The following SYNPR variants were observed in gnomAD, a reference collection of about 807,000 sequenced individuals.
SYNPR encodes synaptoporin.
Under a neutral mutation model 32.9 loss-of-function variants are expected in SYNPR, and 23 were observed. The ratio of observed to expected loss-of-function variants is 0.70; its 90% CI spans 0.50 to 0.99. The LOEUF (loss-of-function observed/expected upper bound fraction) is 0.99. Among genes scored for constraint, SYNPR ranks in the 50% least tolerant of loss-of-function variants. SYNPR has a pLI of 0.00. For missense variants in SYNPR, 318 were observed against 349.3 expected (o/e 0.91, Z 0.71); for synonymous variants, 146 against 135.9 (o/e 1.07, Z -0.52).
intron 2 of SYNPR, among the ~76,000 whole-genome samples, chr3:63,329,522 C>T (rs2087203008): frequency 6.6e-6 from 1 of 152,048 alleles, no homozygotes; most frequent in Admixed American, 6.6e-5. Flanking sequence ...AGTTAATTTC[C>T]CTGAATTAGA....
intron 2 of SYNPR, among the ~76,000 whole-genome samples, chr3:63,390,390 G>C (rs981486523): frequency 3.3e-5 from 5 of 152,172 alleles, no homozygotes; most frequent in Admixed American, 1.3e-4. Flanking sequence ...TTTGATGTGA[G>C]CCACTGAAAG....
chr3:63,420,921 C>T (rs1216272627), intron 2 of SYNPR, among the ~76,000 whole-genome samples: 2 of 152,140 alleles, frequency 1.3e-5, no homozygotes, highest in African/African-American at 4.8e-5. Context: ...CTTGCTGCCT[C>T]CCAGGCTGGA....
At chr3:63,304,985 C>T (rs2086896563) in intron 2 of SYNPR, among the ~76,000 whole-genome samples, 1 of 151,890 alleles carries the variant, frequency 6.6e-6, no homozygotes, top group African/African-American at 2.4e-5. Context: ...GCCTCAGTTT[C>T]CAGAGCTATA....
chr3:63,528,696 A>G (rs188670545), intron 3 of SYNPR, among the ~76,000 whole-genome samples: 1 of 152,114 alleles, frequency 6.6e-6, no homozygotes, highest in Admixed American at 6.5e-5. Context: ...CTTCATTCTC[A>G]CAACAAGAAA....
intron 4 of SYNPR, among the ~76,000 whole-genome samples, chr3:63,583,435 G>A (rs754052312): frequency 2.0e-4 from 30 of 152,028 alleles, no homozygotes; most frequent in Non-Finnish European, 3.8e-4. Flanking sequence ...GAAAATATAA[G>A]TTTCTTCTGG....
intron 4 of SYNPR, among the ~76,000 whole-genome samples, chr3:63,595,862 TATATATATATAA>T (rs1699948218): frequency 1.2e-5 from 1 of 80,940 alleles, no homozygotes; most frequent in Non-Finnish European, 2.4e-5. Flanking sequence ...TATATATAGT[TATATATATATAA>T]TTTTATATAT....
chr3:63,554,272 T>G (rs1287119019), intron 3 of SYNPR, among the ~76,000 whole-genome samples: 1 of 152,248 alleles, frequency 6.6e-6, no homozygotes, highest in African/African-American at 2.4e-5. Context: ...TTTTGGGGAC[T>G]TAGCCAAAAA....
At chr3:63,383,564 A>C (rs1284906093) in intron 2 of SYNPR, among the ~76,000 whole-genome samples, 1 of 152,150 alleles carries the variant, frequency 6.6e-6, no homozygotes, top group Admixed American at 6.5e-5. Context: ...TAAAATACAA[A>C]AAATTAGCCA....
At chr3:63,497,208 G>A (rs1701389455) in intron 3 of SYNPR, among the ~76,000 whole-genome samples, 1 of 152,122 alleles carries the variant, frequency 6.6e-6, no homozygotes, top group South Asian at 2.1e-4. Flanking sequence ...TACACAGTGT[G>A]AGCGAACATT....
chr3:63,416,563 A>AC (rs1491556937), intron 2 of SYNPR, among the ~76,000 whole-genome samples: 3 of 151,082 alleles, frequency 2.0e-5, no homozygotes, highest in Non-Finnish European at 4.4e-5. Context: ...CCAAAAAAAA[A>AC]CACAGAAGTT....
chr3:63,222,790 T>A, the SYNPR span, among the ~76,000 whole-genome samples: 4 of 152,166 alleles, frequency 2.6e-5, no homozygotes, highest in African/African-American at 9.7e-5. Context: ...GTACTGGGAT[T>A]ACAAGCATGA....
At chr3:63,481,953 G>A (rs145991796) in intron 3 of SYNPR, among the ~76,000 whole-genome samples, 17 of 152,250 alleles carry the variant, frequency 1.1e-4, no homozygotes, top group Admixed American at 1.0e-3. Context: ...TGTGGCAGGA[G>A]CAGGTAACTT....
intron 2 of SYNPR, among the ~76,000 whole-genome samples, chr3:63,301,336 T>G (rs1175411876): frequency 6.6e-6 from 1 of 152,140 alleles, no homozygotes; most frequent in Non-Finnish European, 1.5e-5. Flanking sequence ...TTTGAGAAGC[T>G]ATTTTTAAAA....
chr3:63,490,944 A>T (rs976090014), intron 3 of SYNPR, among the ~76,000 whole-genome samples: 1 of 151,970 alleles, frequency 6.6e-6, no homozygotes, highest in Non-Finnish European at 1.5e-5. Flanking sequence ...TTGTATTTTT[A>T]GTAGAGATGG....
chr3:63,504,845 A>G (rs1701553258), intron 3 of SYNPR, among the ~76,000 whole-genome samples: 1 of 152,116 alleles, frequency 6.6e-6, no homozygotes, highest in Admixed American at 6.6e-5. Context: ...TGTCAGACTT[A>G]TTACCCTTAA....
intron 4 of SYNPR, among the ~76,000 whole-genome samples, chr3:63,598,202 A>G (rs1699988964): frequency 6.6e-6 from 1 of 152,206 alleles, no homozygotes; most frequent in South Asian, 2.1e-4. Context: ...TTTTTTATCA[A>G]TATCCAGTGG....
chr3:63,260,182 G>T (rs1168235813), intron 2 of SYNPR, among the ~76,000 whole-genome samples: 27 of 152,102 alleles, frequency 1.8e-4, no homozygotes, highest in Non-Finnish European at 1.5e-5. Context: ...TCTCCATCAA[G>T]CTACCAATGA....
chr3:63,278,449 G>C lies in SYNPR; in HGVS notation c.-85G>C. On this transcript the variant is annotated 5_prime_UTR_variant, in exon 1 of 6. Coordinates refer to ENST00000478300, the MANE Select transcript of SYNPR (RefSeq NM_001130003.2). ...CGCTCCTCTGGCTGCTCCCGAAGGG[G>C]CTTCTGGCCCTGAGGACGGTGGTGC... 6.8e-7 allele frequency: 1 copy of C among 1,479,034 alleles called. No homozygotes were observed. Among genetic ancestry groups the C allele is most frequent in the Non-Finnish European group, 9.0e-7 (1 of 1,107,822 alleles). The allele number at this position is 1,479,034 out of a possible 1,614,324, so 91.6% of individuals were successfully genotyped here.
At chr3:63,465,458 C>A (rs1305898873) in intron 2 of SYNPR, among the ~76,000 whole-genome samples, 3 of 151,842 alleles carry the variant, frequency 2.0e-5, no homozygotes, top group Admixed American at 6.6e-5. Flanking sequence ...ATATATTGAA[C>A]AAAAAACTAT....
Sources: allele counts gnomAD v4.1 joint callset (sites outside exome capture counted in the v4.1 genomes callset), GRCh38; gene constraint gnomAD v4.1.1; transcripts MANE v1.5; gene names NCBI Gene and HGNC (gene_info 2026-07-23, HGNC 2026-07-21).